The following SEMA6A variants were observed in gnomAD, a reference collection of about 807,000 sequenced individuals.
The protein encoded by SEMA6A is semaphorin 6A, also known as semaphorin-6A.
A neutral mutation model predicts 96.8 loss-of-function variants in SEMA6A; 25 were observed. The ratio of observed to expected loss-of-function variants is 0.26; its 90% confidence interval spans 0.19 to 0.36. SEMA6A has a LOEUF of 0.36. SEMA6A is among the 10% of genes least tolerant of loss of function. SEMA6A has a pLI of 1.00. For synonymous variants in SEMA6A, 612 were observed against 518.0 expected (o/e 1.18, Z -2.46); for missense variants, 1,363 against 1,323.1 (o/e 1.03, Z -0.47).
At chr5:116,539,659 A>T (rs1226532808) in intron 1 of SEMA6A, among the ~76,000 whole-genome samples, 2 of 151,790 alleles carry the variant, frequency 1.3e-5, no homozygotes, top group African/African-American at 2.4e-5. Flanking sequence ...TTCAAATCAC[A>T]CTAAAATATA....
chr5:116,506,682 G>A (rs566105016), intron 1 of SEMA6A, among the ~76,000 whole-genome samples: 29 of 152,004 alleles, frequency 1.9e-4, no homozygotes, highest in Non-Finnish European at 3.2e-4. Flanking sequence ...AGCATCTGGC[G>A]GGAGGGGGAG....
At chr5:116,463,138 T>G (rs952160994) in intron 18 of SEMA6A, among the ~76,000 whole-genome samples, 10 of 152,198 alleles carry the variant, frequency 6.6e-5, no homozygotes, top group Admixed American at 3.9e-4. Flanking sequence ...CAAAAAGAGA[T>G]AGTAGCAAGT....
Position 116,532,886 on chromosome 5 carries a change from C to T in SEMA6A, c.-38-27904G>A, listed in dbSNP as rs114202898. Among the ~76,000 whole-genome samples, 1,011 of 152,262 alleles carry T rather than the reference C, an allele frequency of 6.6e-3. 11 individuals carry two copies. The highest frequency in any genetic ancestry group is 0.023 in the African/African-American group (972 of 41,542). On this transcript the variant is annotated intron_variant, in intron 1 of 18. Coordinates refer to ENST00000343348, the MANE Select transcript of SEMA6A (RefSeq NM_020796.5). ...GCTCTTAGCATTTTGTCACACTTAG[C>T]CAATTGTTAAGGTATCATTAACAGG...
chr5:116,543,623 A>G (rs1397840120), intron 1 of SEMA6A, among the ~76,000 whole-genome samples: 1 of 152,226 alleles, frequency 6.6e-6, no homozygotes, highest in Non-Finnish European at 1.5e-5. Flanking sequence ...TGACTGTTTA[A>G]TCTTCTCCAA....
rs551087387 is a variant in SEMA6A at position 116,542,456 on chromosome 5, C to T, written c.-39+31729G>A. ...TTAATACCCTTTTCTAAAGGACCCT[C>T]GCTGTCCCTTTGTCTTTCATTAATG... is the stretch of plus-strand genomic sequence containing the variant. On this transcript the variant is annotated intron_variant, in intron 1 of 18. Coordinates refer to ENST00000343348, the MANE Select transcript of SEMA6A (RefSeq NM_020796.5). Among the ~76,000 whole-genome samples the T allele has an allele frequency of 8.2e-4, 125 of 152,294 alleles. 1 individual carries two copies. Among genetic ancestry groups the T allele is most frequent in the Middle Eastern group, 3.4e-3 (1 of 294 alleles).
rs533785266 is a variant in SEMA6A at position 116,562,850 on chromosome 5, C to T, written c.-39+11335G>A. On this transcript the variant is annotated intron_variant, in intron 1 of 18. Coordinates refer to ENST00000343348, the MANE Select transcript of SEMA6A (RefSeq NM_020796.5). ...TATTACTGCCTTACACATCAAACACCGGGCCACAGGAGGAAATAGGACAAA... is the reference window on the plus strand; with the variant it reads ...TATTACTGCCTTACACATCAAACACTGGGCCACAGGAGGAAATAGGACAAA... 1.4e-5 allele frequency: 9 copies of T among 664,734 alleles called. No individual in the cohort carries two copies. The East Asian group carries it at 1.6e-4, about 12-fold the overall frequency. 41.2% of individuals were successfully genotyped at this position (664,734 alleles called of 1,614,324 possible).
rs1259435978 is a variant in SEMA6A, at chr5:116,446,834, T to G, written c.2872A>C (p.Asn958His). 3.7e-6 allele frequency: 6 copies of G among 1,613,956 alleles called. No homozygotes were observed. The highest frequency in any genetic ancestry group is 5.1e-6 in the Non-Finnish European group (6 of 1,179,890). The change falls in exon 19 of 19, where the codon AAC becomes CAC. Residue 958 changes from asparagine to histidine, a missense_variant. Physicochemically the swap from Asn to His is moderately conservative, Grantham distance 68. Transcript: ENST00000343348. ...ACCCTCTGCGGGGCGGGCGGCGGGT[T>G]GTCTCCCCTGCCAAAGCTCTGGTTT... ...SRNQSFGRGD[N>H]PPPAPQRVDS...
intron 1 of SEMA6A, among the ~76,000 whole-genome samples, chr5:116,524,020 C>G (rs561539965): frequency 2.6e-5 from 4 of 152,302 alleles, no homozygotes; most frequent in Non-Finnish European, 5.9e-5. Flanking sequence ...ACATTGAAAC[C>G]TACCCTCATG....
At chr5:116,491,527 T>A (rs568633221) in intron 7 of SEMA6A, among the ~76,000 whole-genome samples, 1 of 152,250 alleles carries the variant, frequency 6.6e-6, no homozygotes, top group Non-Finnish European at 1.5e-5. Flanking sequence ...GCTGTTATCC[T>A]TTCCTGAAGG....
intron 18 of SEMA6A, among the ~76,000 whole-genome samples, chr5:116,455,162 C>T (rs145968683): frequency 1.3e-3 from 203 of 152,172 alleles, no homozygotes; most frequent in African/African-American, 4.8e-3. Flanking sequence ...TTCATTTTTC[C>T]CTGTGTGCTG....
At chr5:116,501,332 C>T (rs535359053) in intron 3 of SEMA6A, among the ~76,000 whole-genome samples, 1 of 152,236 alleles carries the variant, frequency 6.6e-6, no homozygotes, top group East Asian at 1.9e-4. Context: ...GTATTCTTAC[C>T]ATGCCATTCA....
At chr5:116,480,099 G>C (rs1308914156) in intron 12 of SEMA6A, 23 bp downstream of exon 12, 4 of 1,612,472 alleles carry the variant, frequency 2.5e-6, no homozygotes, top group East Asian at 4.5e-5. Context: ...AATCCATCAG[G>C]ACACGGTTTG....
At chr5:116,545,232 G>A (rs561998138) in intron 1 of SEMA6A, among the ~76,000 whole-genome samples, 1 of 152,314 alleles carries the variant, frequency 6.6e-6, no homozygotes, top group South Asian at 2.1e-4. Context: ...TCCAGCCAAT[G>A]GAGACAGGAC....
chr5:116,573,974 CGCACTCT>C (rs1187939818), intron 1 of SEMA6A, among the ~76,000 whole-genome samples: 1 of 151,642 alleles, frequency 6.6e-6, no homozygotes, highest in Non-Finnish European at 1.5e-5. Flanking sequence ...TGGAGCCGGA[CGCACTCT>C]GGGGCGCAGG....
intron 1 of SEMA6A, among the ~76,000 whole-genome samples, chr5:116,543,454 A>T (rs1760058811): frequency 1.3e-5 from 2 of 152,264 alleles, no homozygotes; most frequent in Admixed American, 1.3e-4. Context: ...TCTTCTTAGA[A>T]TAATTCTCAC....
chr5:116,496,058 T>A (rs951171733), intron 5 of SEMA6A, 193 bp downstream of exon 5: 1 of 529,488 alleles, frequency 1.9e-6, no homozygotes, highest in Non-Finnish European at 3.4e-6. Context: ...GCCTAGCAGC[T>A]GTTGTAATGT....
At chr5:116,539,483 T>C (rs1759867334) in intron 1 of SEMA6A, among the ~76,000 whole-genome samples, 1 of 152,182 alleles carries the variant, frequency 6.6e-6, no homozygotes, top group South Asian at 2.1e-4. Flanking sequence ...CTGGGCAGTG[T>C]GCAGAGCTTC....
chr5:116,479,538 G>A (rs1333649622), intron 12 of SEMA6A, among the ~76,000 whole-genome samples: 2 of 152,338 alleles, frequency 1.3e-5, no homozygotes, highest in Admixed American at 1.3e-4. Context: ...ACAGTGGGAT[G>A]GTACTTGGGA....
At chr5:116,502,071 G>C in intron 3 of SEMA6A, 139 bp downstream of exon 3, 2 of 642,822 alleles carry the variant, frequency 3.1e-6, no homozygotes, top group Non-Finnish European at 5.5e-6. Context: ...ATGATTGCTT[G>C]ATAAGTTAAA....
Sources: allele counts gnomAD v4.1 joint callset (sites outside exome capture counted in the v4.1 genomes callset), GRCh38; gene constraint gnomAD v4.1.1; transcripts MANE v1.5; gene names NCBI Gene and HGNC (gene_info 2026-07-23, HGNC 2026-07-21).